CEACAM19: variants seen among roughly 807,000 people sequenced by gnomAD.
The protein encoded by CEACAM19 is CEA cell adhesion molecule 19.
In CEACAM19, 37 loss-of-function variants were observed where a neutral mutation model predicts 37.6. The ratio of observed to expected loss-of-function variants is 0.98; its 90% confidence interval spans 0.76 to 1.29. CEACAM19 has a LOEUF of 1.29. Among genes scored for constraint, CEACAM19 ranks in the 50% most tolerant of loss-of-function variants. The probability of loss-of-function intolerance (pLI) is 0.00; values close to 1 mark genes in which losing one functional copy is unlikely to be tolerated. For synonymous variants in CEACAM19, 140 were observed against 149.8 expected (o/e 0.93, Z 0.48); for missense variants, 340 against 375.6 (o/e 0.91, Z 0.78).
upstream of CEACAM19, among the ~76,000 whole-genome samples, chr19:44,667,894 A>G (rs1357145745): frequency 1.1e-3 from 89 of 77,558 alleles, no homozygotes; most frequent in South Asian, 5.9e-3. Flanking sequence ...TATAAATTAT[A>G]TATAATATAT....
chr19:44,669,555 TCA>T (rs370763786), upstream of CEACAM19, among the ~76,000 whole-genome samples: 612 of 152,134 alleles, frequency 4.0e-3, 4 homozygotes, highest in African/African-American at 0.014. Flanking sequence ...CCTCCCAGCC[TCA>T]CACACACAGG....
intron 7 of CEACAM19, 49 bp from the exon 8 acceptor site, chr19:44,683,388 T>A: frequency 1.3e-6 from 1 of 761,970 alleles, no homozygotes; most frequent in South Asian, 1.7e-5. Context: ...TCCCCAAGAC[T>A]CTCCCCCTCC....
chr19:44,667,567 T>A (rs1192393831), upstream of CEACAM19, among the ~76,000 whole-genome samples: 1 of 118,416 alleles, frequency 8.4e-6, no homozygotes, highest in African/African-American at 3.2e-5. Context: ...ATATGTAATA[T>A]ATATATAAAT....
upstream of CEACAM19, among the ~76,000 whole-genome samples, chr19:44,668,812 A>G (rs559214859): frequency 2.2e-4 from 27 of 121,062 alleles, no homozygotes; most frequent in African/African-American, 8.1e-4. Flanking sequence ...ATAAAATAAT[A>G]TATATATATT....
intron 2 of CEACAM19, among the ~76,000 whole-genome samples, chr19:44,675,294 G>A (rs536811311): frequency 6.6e-5 from 10 of 152,208 alleles, no homozygotes; most frequent in Admixed American, 5.9e-4. Flanking sequence ...CTGCCAAGAC[G>A]GGTTGGGATA....
upstream of CEACAM19, among the ~76,000 whole-genome samples, chr19:44,670,226 G>C (rs1973830912): frequency 6.6e-6 from 1 of 151,908 alleles, no homozygotes; most frequent in Non-Finnish European, 1.5e-5. Flanking sequence ...AGGAGGCTGA[G>C]ACGGGAGGAT....
intron 2 of CEACAM19, among the ~76,000 whole-genome samples, chr19:44,675,083 C>A (rs577505163): frequency 2.2e-3 from 329 of 146,904 alleles, no homozygotes; most frequent in Non-Finnish European, 3.6e-3. Context: ...TTTGTTGGAT[C>A]ATTCAGAGAA....
intron 7 of CEACAM19, chr19:44,682,967 C>T (rs1974088984): frequency 3.3e-6 from 1 of 298,764 alleles, no homozygotes; most frequent in African/African-American, 2.2e-5. Flanking sequence ...CCTCTCCATC[C>T]CCTCCTGTCA....
intron 1 of CEACAM19, chr19:44,665,993 G>A (rs963662648): frequency 3.3e-5 from 5 of 152,320 alleles, no homozygotes; most frequent in African/African-American, 1.2e-4. Context: ...CCTGCCCTCT[G>A]GGGCTGGGGA....
rs1183979562 is a variant in CEACAM19 at position 44,680,307 on chromosome 19, C to G, written c.679C>G (p.Pro227Ala). Reference sequence around the variant, plus strand: ...CCCCAGGATGGCGACCACAGAGAAGCCAGAATTGGGCCCTGCTCATGATGC... The same window carrying G: ...CCCCAGGATGGCGACCACAGAGAAGGCAGAATTGGGCCCTGCTCATGATGC... ...PSTWMATTEK[P>A]ELGPAHDAGD... Residue 227 changes from proline (P) to alanine (A), a missense_variant, in exon 5 of 8, where the codon CCA becomes GCA. By Grantham distance (27) the Pro-to-Ala change is conservative. Transcript: ENST00000358777. The G allele has an allele frequency of 6.2e-7, 1 of 1,610,574 alleles. No homozygotes were observed. The highest frequency in any genetic ancestry group is 8.5e-7 in the Non-Finnish European group (1 of 1,179,452).
intron 6 of CEACAM19, 38 bp from the exon 7 acceptor site, chr19:44,682,529 G>T (rs1472031377): frequency 1.9e-6 from 3 of 1,560,438 alleles, no homozygotes; most frequent in Non-Finnish European, 2.6e-6. Context: ...AGGGTGGGGG[G>T]TGCCGAGCGC....
chr19:44,668,706 T>C (rs1426382536), upstream of CEACAM19, among the ~76,000 whole-genome samples: 1 of 66,254 alleles, frequency 1.5e-5, no homozygotes, highest in African/African-American at 6.1e-5. Context: ...TATATTATAT[T>C]ATATATTATA....
chr19:44,676,478 A>G (rs1973953395), intron 3 of CEACAM19, 57 bp downstream of exon 3: 2 of 1,558,904 alleles, frequency 1.3e-6, no homozygotes, highest in Admixed American at 1.7e-5. Context: ...CTCAAGCCCC[A>G]TGGATTCTTC....
At position 44,672,929 on chromosome 19, in the gene CEACAM19, G is replaced by C. The variant is rs1313519055; in HGVS notation, c.389G>C (p.Trp130Ser). 2.6e-6 allele frequency: 4 copies of C among 1,516,878 alleles called. No individual in the cohort carries two copies. The African/African-American group carries it at 5.6e-5, about 21-fold the overall frequency. 94.0% of individuals were successfully genotyped at this position (1,516,878 alleles called of 1,614,324 possible). A position where few individuals can be genotyped will look rare whatever the true frequency, so the allele number is the denominator to read the frequency against. The change falls in exon 2 of 8, where the codon TGG (tryptophan) becomes TCG (serine). Residue 130 changes from tryptophan to serine, a missense_variant. By Grantham distance (177) the Trp-to-Ser change is radical. Transcript: ENST00000358777. Reference protein sequence around the residue: ...YQVAITINSEWTMKAKTEVQV... With the variant: ...YQVAITINSESTMKAKTEVQV... The stretch of plus-strand genomic sequence containing the variant: ...GTAGCCATTACCATCAACTCTGAAT[G>C]GACTATGAAGGCCAAGACTGAGGTC...
At chr19:44,673,069 AT>A in intron 2 of CEACAM19, 105 bp downstream of exon 2, 1 of 977,296 alleles carries the variant, frequency 1.0e-6, no homozygotes, top group Non-Finnish European at 1.4e-6. Context: ...CCTCTCATTT[AT>A]TCACTTGACA....
upstream of CEACAM19, among the ~76,000 whole-genome samples, chr19:44,670,501 C>T (rs908280362): frequency 1.3e-5 from 2 of 151,256 alleles, no homozygotes; most frequent in Middle Eastern, 3.2e-3. Context: ...ATGGCAAAAC[C>T]CCATCTCTAC....
chr19:44,668,605 T>C (rs1199781151), upstream of CEACAM19, among the ~76,000 whole-genome samples: 1 of 66,948 alleles, frequency 1.5e-5, no homozygotes, highest in Non-Finnish European at 2.5e-5. Flanking sequence ...ACACATATTA[T>C]ATATGTATAT....
In CEACAM19 at chr19:44,680,635, G is replaced by A. The variant is rs568510547; in HGVS notation, c.706+301G>A. 2.6e-4 allele frequency among the ~76,000 whole-genome samples: 40 copies of A among 151,908 alleles called. No homozygotes were observed. In the South Asian group the frequency reaches 7.7e-3, roughly 29 times the overall value. ...ACCCCCCACACCCAGCTCCTCACTG[G>A]TCTCCCAGCCTCCAGACCCCTCCAA... On this transcript the variant is annotated intron_variant, in intron 5 of 7. Transcript: ENST00000358777.
upstream of CEACAM19, among the ~76,000 whole-genome samples, chr19:44,670,398 G>A (rs1339127809): frequency 6.6e-6 from 1 of 151,950 alleles, no homozygotes; most frequent in Non-Finnish European, 1.5e-5. Flanking sequence ...TCTGGGGCTG[G>A]GTGCAGTGGC....
Sources: allele counts gnomAD v4.1 joint callset (sites outside exome capture counted in the v4.1 genomes callset), GRCh38; gene constraint gnomAD v4.1.1; transcripts MANE v1.5; gene names NCBI Gene and HGNC (gene_info 2026-07-23, HGNC 2026-07-21).